Variants in ATP8B4 observed in about 807,000 individuals in gnomAD.
ATP8B4 encodes ATPase phospholipid transporting 8B4 (putative).
Under a neutral mutation model 145.6 loss-of-function variants are expected in ATP8B4, and 133 were observed. That is an observed-to-expected ratio of 0.91 (90% CI 0.79 to 1.05). The LOEUF (loss-of-function observed/expected upper bound fraction) is 1.05. Ranked by LOEUF, ATP8B4 falls within the 50% of genes least tolerant of loss-of-function variation. The pLI, the probability that ATP8B4 is intolerant of heterozygous loss-of-function variation, is 0.00. For synonymous variants in ATP8B4, 507 were observed against 492.9 expected, an observed-to-expected ratio of 1.03 and a Z score of -0.38; for missense variants, 1,458 against 1,425.2, an observed-to-expected ratio of 1.02 and a Z score of -0.37.
intron 1 of ATP8B4, among the ~76,000 whole-genome samples, chr15:50,150,976 C>A (rs1019437334): frequency 6.6e-6 from 1 of 152,190 alleles, no homozygotes; most frequent in Non-Finnish European, 1.5e-5. Context: ...GAAAAGCTGT[C>A]TAGAGCATGA....
chr15:50,031,559 G>C (rs1006321303), intron 6 of ATP8B4, among the ~76,000 whole-genome samples: 1 of 82,806 alleles, frequency 1.2e-5, no homozygotes, highest in Non-Finnish European at 2.0e-5. Flanking sequence ...TGAGTTCAAT[G>C]ATCTTTGGGT....
At chr15:50,079,491 C>T (rs374478711) in intron 2 of ATP8B4, among the ~76,000 whole-genome samples, 1 of 152,136 alleles carries the variant, frequency 6.6e-6, no homozygotes, top group African/African-American at 2.4e-5. Context: ...AGTAAAAGTA[C>T]AATTATTAGT....
intron 1 of ATP8B4, among the ~76,000 whole-genome samples, chr15:50,164,095 C>G (rs1394139887): frequency 1.3e-5 from 2 of 152,132 alleles, no homozygotes; most frequent in African/African-American, 2.4e-5. Flanking sequence ...GAGTCAGGGA[C>G]CCCAGGAGCC....
intron 1 of ATP8B4, among the ~76,000 whole-genome samples, chr15:50,146,778 T>C (rs2044282807): frequency 6.6e-6 from 1 of 152,150 alleles, no homozygotes; most frequent in East Asian, 1.9e-4. Flanking sequence ...ACAGGGATCC[T>C]CCTAAGGCCA....
intron 26 of ATP8B4, among the ~76,000 whole-genome samples, chr15:49,864,692 T>C (rs897923511): frequency 2.0e-5 from 3 of 152,200 alleles, no homozygotes. Context: ...TTGCTACTCA[T>C]CTGATGTTCA....
intron 14 of ATP8B4, among the ~76,000 whole-genome samples, chr15:49,940,859 T>C (rs955926986): frequency 6.6e-6 from 1 of 152,170 alleles, no homozygotes; most frequent in East Asian, 1.9e-4. Flanking sequence ...GTCAATAACA[T>C]TTAGATTTTT....
At chr15:49,912,809 G>C (rs566285687) in intron 20 of ATP8B4, among the ~76,000 whole-genome samples, 2 of 152,222 alleles carry the variant, frequency 1.3e-5, no homozygotes, top group South Asian at 4.2e-4. Flanking sequence ...GCAGGCTTGA[G>C]TGTGGTGGCT....
At chr15:49,991,684 T>C (rs1403209606) in intron 9 of ATP8B4, among the ~76,000 whole-genome samples, 1 of 152,168 alleles carries the variant, frequency 6.6e-6, no homozygotes, top group East Asian at 1.9e-4. Context: ...ATGAGAACTT[T>C]TCAAATAAAT....
chr15:50,112,744 C>G (rs751532068), intron 1 of ATP8B4, among the ~76,000 whole-genome samples: 3 of 152,066 alleles, frequency 2.0e-5, no homozygotes, highest in Non-Finnish European at 4.4e-5. Flanking sequence ...CAGGTAAGAA[C>G]AGTTCACTCC....
chr15:50,164,533 TCAAA>T (rs1420839256), intron 1 of ATP8B4, among the ~76,000 whole-genome samples: 1 of 152,134 alleles, frequency 6.6e-6, no homozygotes, highest in African/African-American at 2.4e-5. Flanking sequence ...TCTTCTCTCC[TCAAA>T]CAATCTCTCT....
At chr15:50,016,109 C>T (rs1223997372) in intron 6 of ATP8B4, among the ~76,000 whole-genome samples, 1 of 152,188 alleles carries the variant, frequency 6.6e-6, no homozygotes, top group African/African-American at 2.4e-5. Flanking sequence ...ACAATTTAGT[C>T]TTCCTATTTT....
In ATP8B4 at chr15:49,979,826, A is replaced by C; in HGVS notation, c.838-13T>G. ...GAAACCCAAAAATCTGAAATAAGAT[A>C]GAAGTGTGGTTAAGGTTAACTTGAA... On this transcript the variant is annotated splice_polypyrimidine_tract_variant and intron_variant, in intron 11 of 27. Coordinates refer to ENST00000284509, the MANE Select transcript of ATP8B4 (RefSeq NM_024837.4). The C allele has an allele frequency of 6.5e-7, 1 of 1,548,952 alleles. No individual in the cohort carries two copies. Among genetic ancestry groups the C allele is most frequent in the Non-Finnish European group, 8.8e-7 (1 of 1,134,532 alleles).
At chr15:50,179,222 A>G (rs564528047) in intron 1 of ATP8B4, among the ~76,000 whole-genome samples, 1 of 152,230 alleles carries the variant, frequency 6.6e-6, no homozygotes, top group East Asian at 1.9e-4. Context: ...ATATTTGTCA[A>G]TTGAGTGTAG....
chr15:49,949,508 A>C (rs1237843724), intron 14 of ATP8B4, among the ~76,000 whole-genome samples: 1 of 152,150 alleles, frequency 6.6e-6, no homozygotes, highest in Non-Finnish European at 1.5e-5. Flanking sequence ...TGATTTCTGC[A>C]CATTGATTTT....
At chr15:50,073,954 T>C (rs529832813) in intron 3 of ATP8B4, among the ~76,000 whole-genome samples, 173 bp downstream of exon 3, 8 of 152,316 alleles carry the variant, frequency 5.3e-5, no homozygotes, top group East Asian at 3.9e-4. Flanking sequence ...GAGAGAAATA[T>C]GTTTGTAAAC....
At chr15:49,946,205 A>G (rs895237483) in intron 14 of ATP8B4, among the ~76,000 whole-genome samples, 6 of 152,258 alleles carry the variant, frequency 3.9e-5, no homozygotes, top group Admixed American at 2.6e-4. Flanking sequence ...ATTTCTATAT[A>G]GTAACAACAA....
chr15:50,042,327 T>A (rs1409422344), intron 5 of ATP8B4, among the ~76,000 whole-genome samples: 1 of 152,168 alleles, frequency 6.6e-6, no homozygotes, highest in African/African-American at 2.4e-5. Flanking sequence ...TTAAAATGAC[T>A]TGCATCAAAT....
At chr15:50,090,679 A>G (rs1212238110) in intron 2 of ATP8B4, among the ~76,000 whole-genome samples, 1 of 152,224 alleles carries the variant, frequency 6.6e-6, no homozygotes, top group Non-Finnish European at 1.5e-5. Flanking sequence ...ATGACTAGTC[A>G]ATATTTTTTA....
chr15:49,987,721 C>G (rs1346044968), intron 9 of ATP8B4, among the ~76,000 whole-genome samples, 172 bp from the exon 10 acceptor site: 2 of 151,710 alleles, frequency 1.3e-5, no homozygotes, highest in African/African-American at 4.8e-5. Flanking sequence ...GGAAAGCCAT[C>G]AACTATTTTG....
Sources: gnomAD v4.1 joint callset for allele counts (sites outside exome capture counted in the v4.1 genomes callset) on GRCh38, gnomAD v4.1.1 for gene constraint, MANE v1.5 for transcripts, NCBI Gene and HGNC (gene_info 2026-07-23, HGNC 2026-07-21) for gene names.